The following JMJD1C variants were observed in gnomAD, a reference collection of about 807,000 sequenced individuals.
The protein encoded by JMJD1C is jumonji domain-containing protein 1C.
A neutral mutation model predicts 245.3 loss-of-function variants in JMJD1C; 31 were observed. The ratio of observed to expected loss-of-function variants is 0.13; its 90% CI spans 0.09 to 0.17. The LOEUF is 0.17. Among genes scored for constraint, JMJD1C ranks in the 10% least tolerant of loss-of-function variants. JMJD1C has a pLI of 1.00. For missense variants in JMJD1C, 2,691 were observed against 3,000.2 expected, an observed-to-expected ratio of 0.90 and a Z score of 2.41; for synonymous variants, 1,057 against 1,017.4, an observed-to-expected ratio of 1.04 and a Z score of -0.74.
At position 63,190,942 on chromosome 10, in the gene JMJD1C, A is replaced by T; in HGVS notation, c.6243T>A (p.Ser2081=). The T allele has an allele frequency of 1.9e-6, 3 of 1,614,108 alleles. No individual in the cohort carries two copies. Among genetic ancestry groups the T allele is most frequent in the Non-Finnish European group, 2.5e-6 (3 of 1,179,942 alleles). The part of the protein sequence containing the change: ...TTTAGKLRVG[S]TDAGIAFAPV... ...GGGCAAAGGCAATGCCAGCATCTGT[A>T]GACCCCACACGTAGCTTTCCAGCTG... Residue 2081 remains serine, a synonymous_variant, in exon 17 of 26, where the codon TCT becomes TCA. Transcript: ENST00000399262.
chr10:63,182,375 T>A (rs1388453020), intron 22 of JMJD1C, among the ~76,000 whole-genome samples: 1 of 152,214 alleles, frequency 6.6e-6, no homozygotes, highest in African/African-American at 2.4e-5. Flanking sequence ...ACCAGAAAGA[T>A]ACACTGAATT....
chr10:63,468,770 G>A (rs7923437), upstream of JMJD1C, among the ~76,000 whole-genome samples: 1,115 of 152,212 alleles, frequency 7.3e-3, 19 homozygotes, highest in African/African-American at 0.025. Flanking sequence ...ACCAAAGACT[G>A]GGAGATTATT....
chr10:63,461,655 T>C (rs982806735), intron 1 of JMJD1C, among the ~76,000 whole-genome samples: 3 of 152,148 alleles, frequency 2.0e-5, no homozygotes, highest in Admixed American at 2.0e-4. Context: ...CAAGCAAATT[T>C]ATGGGTTTGG....
At chr10:63,203,747 T>G in intron 10 of JMJD1C, 1 of 975,342 alleles carries the variant, frequency 1.0e-6, no homozygotes, top group Non-Finnish European at 1.2e-6. Context: ...ATATCTAGCT[T>G]TAATGTACTA....
At chr10:63,375,498 C>T (rs534681002) in intron 2 of JMJD1C, among the ~76,000 whole-genome samples, 1 of 151,544 alleles carries the variant, frequency 6.6e-6, no homozygotes, top group South Asian at 2.1e-4. Context: ...AGTAAAAAGA[C>T]ACCCCTGTTC....
intron 2 of JMJD1C, among the ~76,000 whole-genome samples, chr10:63,373,774 C>T (rs1385462156): frequency 6.6e-6 from 1 of 152,112 alleles, no homozygotes; most frequent in African/African-American, 2.4e-5. Flanking sequence ...TTTCATTACG[C>T]TGTAGGAATT....
intron 2 of JMJD1C, among the ~76,000 whole-genome samples, chr10:63,318,450 T>A (rs1318755007): frequency 2.0e-5 from 3 of 152,226 alleles, no homozygotes; most frequent in African/African-American, 2.4e-5. Flanking sequence ...CTTATGTTAA[T>A]GTTTTACTTT....
chr10:63,190,254 G>C (rs149190167), intron 17 of JMJD1C, among the ~76,000 whole-genome samples: 1,778 of 152,212 alleles, frequency 0.012, 27 homozygotes, highest in Middle Eastern at 0.024. Flanking sequence ...GCCCAGGCTG[G>C]AGTGTAGTGG....
intron 1 of JMJD1C, among the ~76,000 whole-genome samples, chr10:63,447,498 C>T (rs1292319656): frequency 1.3e-5 from 2 of 152,116 alleles, no homozygotes; most frequent in African/African-American, 4.8e-5. Flanking sequence ...TTTCATTTCC[C>T]AATGAACAAT....
chr10:63,481,634 C>T (rs1953833946), intron 1 of JMJD1C, among the ~76,000 whole-genome samples: 1 of 152,118 alleles, frequency 6.6e-6, no homozygotes, highest in Non-Finnish European at 1.5e-5. Flanking sequence ...TCTCCTGCCA[C>T]CCAGAACATT....
intron 2 of JMJD1C, among the ~76,000 whole-genome samples, chr10:63,324,915 C>G (rs953148596): frequency 6.6e-6 from 1 of 152,118 alleles, no homozygotes; most frequent in African/African-American, 2.4e-5. Flanking sequence ...TCATGAAATC[C>G]TTAGCTTGCT....
At chr10:63,465,370 CAGCAGA>C in intron 1 of JMJD1C, 119 bp downstream of exon 1, 3 of 1,009,558 alleles carry the variant, frequency 3.0e-6, no homozygotes, top group African/African-American at 1.6e-5. Flanking sequence ...GCCAAGGGTT[CAGCAGA>C]GGGGCGTGAC....
At chr10:63,375,377 T>C (rs9415697) in intron 2 of JMJD1C, among the ~76,000 whole-genome samples, 21,357 of 151,646 alleles carry the variant, frequency 0.14, 2,202 homozygotes, top group East Asian at 0.35. Context: ...AATTTGAAAA[T>C]GAAATTAACA....
chr10:63,242,435 A>C (rs1564667641), intron 3 of JMJD1C, among the ~76,000 whole-genome samples: 1 of 152,168 alleles, frequency 6.6e-6, no homozygotes, highest in Admixed American at 6.5e-5. Flanking sequence ...TACATGAAAA[A>C]AGCAGGCCGG....
chr10:63,300,662 C>T (rs772206598), intron 2 of JMJD1C, among the ~76,000 whole-genome samples: 2 of 152,006 alleles, frequency 1.3e-5, no homozygotes, highest in Admixed American at 6.6e-5. Flanking sequence ...GAGGCCAAGG[C>T]GGTAGATCTC....
chr10:63,268,662 C>T (rs1855922358), intron 2 of JMJD1C: 1 of 968,732 alleles, frequency 1.0e-6, no homozygotes, highest in South Asian at 4.8e-5. Context: ...ACAAACCGTA[C>T]TTTGTTCTTG....
intron 1 of JMJD1C, among the ~76,000 whole-genome samples, chr10:63,461,943 G>A (rs571101246): frequency 6.6e-6 from 1 of 152,188 alleles, no homozygotes; most frequent in South Asian, 2.1e-4. Context: ...TATTCAAGGA[G>A]ACAAATATTA....
At chr10:63,467,784 C>T (rs1283121750), upstream of JMJD1C, among the ~76,000 whole-genome samples, 12 of 152,154 alleles carry the variant, frequency 7.9e-5, no homozygotes, top group Non-Finnish European at 1.6e-4. Context: ...GATCAACATC[C>T]AGATACCAAG....
intron 3 of JMJD1C, among the ~76,000 whole-genome samples, chr10:63,227,330 A>G (rs1353190477): frequency 2.0e-5 from 3 of 152,292 alleles, no homozygotes; most frequent in African/African-American, 2.4e-5. Flanking sequence ...TTCAAGAAAT[A>G]TATTATTTAT....
Sources: gnomAD v4.1 joint callset for allele counts (sites outside exome capture counted in the v4.1 genomes callset) on GRCh38, gnomAD v4.1.1 for gene constraint, MANE v1.5 for transcripts, NCBI Gene and HGNC (gene_info 2026-07-23, HGNC 2026-07-21) for gene names.